INVS: variants seen among roughly 807,000 people sequenced by gnomAD.
INVS encodes the protein inversion of embryo turning homolog.
In INVS, 86 loss-of-function variants were observed where a neutral mutation model predicts 108.8. That is an observed-to-expected ratio of 0.79 (90% CI 0.66 to 0.95). The LOEUF (loss-of-function observed/expected upper bound fraction) is 0.95, where lower values mean the gene tolerates loss of function less well. INVS is among the 40% of genes least tolerant of loss of function. The pLI, the probability that INVS is intolerant of heterozygous loss-of-function variation, is 0.00. For missense variants in INVS, 1,169 were observed against 1,297.4 expected (o/e 0.90, Z 1.52); for synonymous variants, 455 against 473.5 (o/e 0.96, Z 0.51).
At chr9:100,141,927 A>G (rs944701321) in intron 3 of INVS, among the ~76,000 whole-genome samples, 1 of 152,180 alleles carries the variant, frequency 6.6e-6, no homozygotes, top group Non-Finnish European at 1.5e-5. Flanking sequence ...TCTAAGAACC[A>G]TTTGCCTTCT....
At chr9:100,254,751 G>A (rs1342426830) in intron 10 of INVS, among the ~76,000 whole-genome samples, 1 of 151,988 alleles carries the variant, frequency 6.6e-6, no homozygotes, top group Non-Finnish European at 1.5e-5. Context: ...ATTTCTGAGG[G>A]CTCTGTTCTG....
At chr9:100,223,735 G>A (rs1831220331) in intron 3 of INVS, among the ~76,000 whole-genome samples, 1 of 152,242 alleles carries the variant, frequency 6.6e-6, no homozygotes, top group African/African-American at 2.4e-5. Context: ...AGCAGAGTCC[G>A]TTGGCTTTTC....
At position 100,114,400 on chromosome 9, in the gene INVS, T is replaced by G. The variant is rs1402414515; in HGVS notation, c.106+9773T>G. On this transcript the variant is annotated intron_variant, in intron 2 of 16. Transcript: ENST00000262457. ...TGAGGCAGATTTCTTTCTTTTTTTT[T>G]TTTTTTTTTTTTTTTTTTTGAGACA... Among the ~76,000 whole-genome samples, 5 of 135,098 alleles carry G rather than the reference T, an allele frequency of 3.7e-5. No homozygotes were observed. In the East Asian group the frequency reaches 1.1e-3, roughly 29 times the overall value. 88.6% of individuals were successfully genotyped at this position (135,098 alleles called of 152,430 possible). A position where few individuals can be genotyped will look rare whatever the true frequency, so the allele number is the denominator to read the frequency against.
At chr9:100,130,908 T>C (rs1828037420) in intron 3 of INVS, 1 of 152,196 alleles carries the variant, frequency 6.6e-6, no homozygotes, top group African/African-American at 2.4e-5. Context: ...TTGTAATACA[T>C]AAGTGTTTTA....
At position 100,297,094 on chromosome 9, in the gene INVS, G is replaced by C; in HGVS notation, c.2964G>C (p.Lys988Asn). The change falls in exon 15 of 17, where the codon AAG becomes AAC. Residue 988 changes from lysine to asparagine, a missense_variant. Physicochemically the swap from Lys to Asn is moderately conservative, Grantham distance 94. Coordinates refer to ENST00000262457, the MANE Select transcript of INVS (RefSeq NM_014425.5). The stretch of plus-strand genomic sequence containing the variant: ...GCAAGGCCCCCAAGAGTCCATCCAA[G>C]GGCACCTCAGGCACAAAGTCCACCA... Reference protein sequence around the residue: ...AVSKAPKSPSKGTSGTKSTKH... With the variant: ...AVSKAPKSPSNGTSGTKSTKH... 6.2e-7 allele frequency: 1 copy of C among 1,613,918 alleles called. No homozygotes were observed. Among genetic ancestry groups the C allele is most frequent in the South Asian group, 1.1e-5 (1 of 91,070 alleles).
chr9:100,132,717 C>A (rs1455634835), intron 3 of INVS, among the ~76,000 whole-genome samples: 3 of 152,174 alleles, frequency 2.0e-5, no homozygotes. Context: ...ACTCCTTTTA[C>A]ATCTCTTCTC....
intron 3 of INVS, among the ~76,000 whole-genome samples, chr9:100,201,074 C>G (rs182676663): frequency 6.6e-6 from 1 of 152,350 alleles, no homozygotes; most frequent in East Asian, 1.9e-4. Flanking sequence ...GTTAAAAAGA[C>G]CATAAGTCCA....
chr9:100,292,700 C>T lies in INVS; in HGVS notation c.2443C>T (p.Arg815Trp), dbSNP rs564509196. 3.0e-5 allele frequency: 48 copies of T among 1,614,050 alleles called. No homozygotes were observed. The Middle Eastern group carries it at 4.9e-4, about 17-fold the overall frequency. The change falls in exon 14 of 17, where the codon CGG becomes TGG. Residue 815 changes from arginine (R) to tryptophan (W), a missense_variant. Physicochemically the swap from Arg to Trp is moderately radical, Grantham distance 101. Around this residue, in one of 3 missense-constraint regions of INVS, gnomAD observed 533 missense variants for 536.0 expected, o/e 0.99. Coordinates refer to ENST00000262457, the MANE Select transcript of INVS (RefSeq NM_014425.5). ...PAGSSRPGSA[R>W]GEAVHAGQNP... ...TGGTTCTAGCCGCCCTGGCAGTGCC[C>T]GGGGGGAGGCGGTCCATGCTGGGCA...
At chr9:100,174,593 C>G (rs566344209) in intron 3 of INVS, among the ~76,000 whole-genome samples, 2 of 151,966 alleles carry the variant, frequency 1.3e-5, no homozygotes, top group Non-Finnish European at 2.9e-5. Context: ...ATTCAAGAAA[C>G]GTAATGAACT....
chr9:100,159,768 A>G (rs1829110771), intron 3 of INVS, among the ~76,000 whole-genome samples: 1 of 152,032 alleles, frequency 6.6e-6, no homozygotes. Context: ...GTTGGAATTA[A>G]TTTTTTTGCC....
intron 3 of INVS, among the ~76,000 whole-genome samples, chr9:100,182,980 T>C (rs1027618343): frequency 6.6e-6 from 1 of 152,160 alleles, no homozygotes; most frequent in African/African-American, 2.4e-5. Context: ...TCCAGGGACA[T>C]GGATTAAACT....
At chr9:100,195,000 A>G (rs1830329539) in intron 3 of INVS, among the ~76,000 whole-genome samples, 1 of 152,182 alleles carries the variant, frequency 6.6e-6, no homozygotes, top group Non-Finnish European at 1.5e-5. Context: ...CATCTGCATC[A>G]TAGGAGCAAA....
intron 5 of INVS, among the ~76,000 whole-genome samples, chr9:100,232,614 C>T (rs1248751847): frequency 6.6e-6 from 1 of 152,162 alleles, no homozygotes; most frequent in Admixed American, 6.6e-5. Context: ...ATAGGGAATC[C>T]TTTCCCCATT....
intron 12 of INVS, among the ~76,000 whole-genome samples, chr9:100,282,393 C>T (rs886543345): frequency 2.0e-5 from 3 of 152,106 alleles, no homozygotes; most frequent in African/African-American, 7.2e-5. Context: ...CACGACCCAT[C>T]TGGCCATGTT....
chr9:100,240,307 C>T, intron 6 of INVS, 67 bp downstream of exon 6: 1 of 1,232,490 alleles, frequency 8.1e-7, no homozygotes. Flanking sequence ...TGTGCCTTCC[C>T]TTCCACTGTT....
At chr9:100,156,601 T>C (rs1828992190) in intron 3 of INVS, among the ~76,000 whole-genome samples, 1 of 152,114 alleles carries the variant, frequency 6.6e-6, no homozygotes, top group African/African-American at 2.4e-5. Context: ...CTTATTGATT[T>C]AACTTTTTCA....
At chr9:100,293,191 C>T (rs1267596139) in intron 14 of INVS, 148 bp downstream of exon 14, 3 of 719,636 alleles carry the variant, frequency 4.2e-6, no homozygotes, top group Non-Finnish European at 7.4e-6. Flanking sequence ...AAATTCACAC[C>T]AGATCCTAGT....
At chr9:100,247,701 A>C (rs1013548923) in intron 8 of INVS, among the ~76,000 whole-genome samples, 9 of 152,174 alleles carry the variant, frequency 5.9e-5, no homozygotes, top group African/African-American at 2.2e-4. Context: ...ATACCGAGAC[A>C]ACCACAGCCT....
intron 4 of INVS, among the ~76,000 whole-genome samples, chr9:100,228,919 A>G (rs1466327251): frequency 1.3e-5 from 2 of 152,208 alleles, no homozygotes; most frequent in Admixed American, 6.5e-5. Context: ...GTCAAACCCA[A>G]TTCCCGTCAA....
Sources: allele counts gnomAD v4.1 joint callset (sites outside exome capture counted in the v4.1 genomes callset), GRCh38; gene constraint gnomAD v4.1.1; regional missense constraint gnomAD v4.1.1; transcripts MANE v1.5; gene names NCBI Gene and HGNC (gene_info 2026-07-23, HGNC 2026-07-21).